NAV2: variants seen among roughly 807,000 people sequenced by gnomAD.
NAV2 encodes the protein helicase, APC down-regulated 1.
In NAV2, 54 loss-of-function variants were observed where a neutral mutation model predicts 223.2. The ratio of observed to expected loss-of-function variants is 0.24; its 90% CI spans 0.19 to 0.30. NAV2 has a LOEUF of 0.30. Among genes scored for constraint, NAV2 ranks in the 10% least tolerant of loss-of-function variants. The pLI, the probability that NAV2 is intolerant of heterozygous loss-of-function variation, is 1.00. For synonymous variants in NAV2, 1,279 were observed against 1,239.3 expected (o/e 1.03, Z -0.67); for missense variants, 2,806 against 3,147.5 (o/e 0.89, Z 2.60).
chr11:20,103,550 C>A, intron 33 of NAV2, 103 bp from the exon 34 acceptor site: 1 of 1,482,566 alleles, frequency 6.7e-7, no homozygotes, highest in Non-Finnish European at 9.4e-7. Context: ...AGGCAGCCAG[C>A]TGTCCACTGG....
intron 2 of NAV2, among the ~76,000 whole-genome samples, chr11:19,832,948 G>A (rs574927537): frequency 4.2e-4 from 64 of 152,206 alleles, no homozygotes; most frequent in African/African-American, 1.4e-3. Flanking sequence ...TGGTACTTTT[G>A]TGGATTACTC....
chr11:19,904,055 C>T (rs937000316), intron 6 of NAV2, among the ~76,000 whole-genome samples: 2 of 152,064 alleles, frequency 1.3e-5, no homozygotes, highest in Admixed American at 6.5e-5. Flanking sequence ...CAGGTTTAGC[C>T]CTAAGGAGAA....
chr11:19,924,656 A>G (rs1416566716), intron 6 of NAV2, among the ~76,000 whole-genome samples: 1 of 152,220 alleles, frequency 6.6e-6, no homozygotes, highest in Non-Finnish European at 1.5e-5. Context: ...CCCAGTAGAG[A>G]GCAAAATCTC....
intron 1 of NAV2, among the ~76,000 whole-genome samples, chr11:19,576,786 C>G (rs1428616326): frequency 1.3e-5 from 2 of 152,130 alleles, no homozygotes; most frequent in East Asian, 3.9e-4. Context: ...AGAAGGGAAC[C>G]CTGAGCCTTT....
intron 5 of NAV2, among the ~76,000 whole-genome samples, chr11:19,891,047 A>G (rs2041460003): frequency 6.6e-6 from 1 of 152,154 alleles, no homozygotes; most frequent in African/African-American, 2.4e-5. Context: ...TAATTTTTAC[A>G]GTCCCCTCAC....
intron 1 of NAV2, chr11:19,505,228 A>C (rs908515288): frequency 9.9e-5 from 15 of 152,250 alleles, no homozygotes; most frequent in African/African-American, 3.4e-4. Context: ...GGAATGCAGA[A>C]AGCCACATAC....
chr11:19,574,106 A>G (rs2045504087), intron 1 of NAV2, among the ~76,000 whole-genome samples: 1 of 152,290 alleles, frequency 6.6e-6, no homozygotes, highest in East Asian at 1.9e-4. Flanking sequence ...AGTTGGAAAG[A>G]CTTGAGTTCT....
intron 1 of NAV2, among the ~76,000 whole-genome samples, chr11:19,730,829 C>T (rs1327057685): frequency 5.9e-5 from 9 of 152,186 alleles, no homozygotes; most frequent in African/African-American, 2.2e-4. Flanking sequence ...ATAAATAACA[C>T]CCCTTCCCCA....
At chr11:19,662,757 C>T (rs1372511474) in intron 1 of NAV2, among the ~76,000 whole-genome samples, 1 of 152,242 alleles carries the variant, frequency 6.6e-6, no homozygotes, top group Non-Finnish European at 1.5e-5. Context: ...CTGCCTGTCT[C>T]ACCCATGCCT....
At chr11:19,847,270 CT>C (rs1381161690) in intron 3 of NAV2, among the ~76,000 whole-genome samples, 4 of 152,150 alleles carry the variant, frequency 2.6e-5, no homozygotes, top group African/African-American at 9.7e-5. Flanking sequence ...GGGTGGTTTT[CT>C]TTTTTCATCA....
chr11:19,999,738 GGTCA>G (rs1421884447), intron 11 of NAV2, among the ~76,000 whole-genome samples: 1 of 152,188 alleles, frequency 6.6e-6, no homozygotes, highest in African/African-American at 2.4e-5. Context: ...GCTACGTAGA[GGTCA>G]GTTAACCATC....
intron 12 of NAV2, among the ~76,000 whole-genome samples, chr11:20,038,007 C>G (rs867954393): frequency 1.3e-5 from 2 of 152,124 alleles, no homozygotes; most frequent in Admixed American, 6.5e-5. Context: ...CATGAGGTTT[C>G]CATTTTTGAC....
chr11:19,935,849 C>CTGGTTTTTTTTTT (rs2045804497), intron 7 of NAV2, among the ~76,000 whole-genome samples: 1 of 69,440 alleles, frequency 1.4e-5, no homozygotes, highest in Non-Finnish European at 3.3e-5. Flanking sequence ...TGTTTTGTTT[C>CTGGTTTTTTTTTT]TGTTTTTTTT....
chr11:19,897,554 A>G (rs1167056233), intron 6 of NAV2, among the ~76,000 whole-genome samples: 1 of 152,128 alleles, frequency 6.6e-6, no homozygotes, highest in Non-Finnish European at 1.5e-5. Flanking sequence ...CATGAAGCTA[A>G]AGAAAAAGTG....
At position 20,035,878 on chromosome 11, in the gene NAV2, G is replaced by A. The variant is rs183268328; in HGVS notation, c.2769-81G>A. Reference sequence around the variant, plus strand: ...GCACAGATTGGATCTTTTCGGGGATGGTGTTTGTCTGTCTGTGTCATCAGC... The same window carrying A: ...GCACAGATTGGATCTTTTCGGGGATAGTGTTTGTCTGTCTGTGTCATCAGC... On this transcript the variant is annotated intron_variant, in intron 11 of 37. Transcript: ENST00000349880. The A allele has an allele frequency of 1.2e-4, 179 of 1,538,002 alleles. 1 individual carries two copies. In the African/African-American group the frequency reaches 2.2e-3, roughly 19 times the overall value.
intron 1 of NAV2, among the ~76,000 whole-genome samples, chr11:19,460,455 AC>A (rs765907292): frequency 1.3e-5 from 2 of 152,154 alleles, no homozygotes; most frequent in Admixed American, 6.5e-5. Flanking sequence ...ATGGTGGGTG[AC>A]CCCCAAATAG....
intron 1 of NAV2, among the ~76,000 whole-genome samples, chr11:19,512,671 C>T (rs1355510676): frequency 6.6e-6 from 1 of 152,194 alleles, no homozygotes; most frequent in Non-Finnish European, 1.5e-5. Flanking sequence ...AGCCACTTTC[C>T]TGTTTCACCC....
At chr11:19,891,017 C>G (rs1451221904) in intron 5 of NAV2, among the ~76,000 whole-genome samples, 1 of 152,180 alleles carries the variant, frequency 6.6e-6, no homozygotes, top group Non-Finnish European at 1.5e-5. Flanking sequence ...GGGAATTGGG[C>G]CAGCTTCTTT....
intron 11 of NAV2, among the ~76,000 whole-genome samples, chr11:20,031,707 T>G (rs945819755): frequency 2.6e-5 from 4 of 151,134 alleles, no homozygotes; most frequent in African/African-American, 9.8e-5. Flanking sequence ...AGCTCTAGGC[T>G]CTATTGCATT....
Sources: gnomAD v4.1 joint callset for allele counts (sites outside exome capture counted in the v4.1 genomes callset) on GRCh38, gnomAD v4.1.1 for gene constraint, MANE v1.5 for transcripts, NCBI Gene and HGNC (gene_info 2026-07-23, HGNC 2026-07-21) for gene names.